ENTPD4: variants seen among roughly 807,000 people sequenced by gnomAD.
The protein encoded by ENTPD4 is Golgi UDPase.
Under a neutral mutation model 79.1 loss-of-function variants are expected in ENTPD4, and 60 were observed. The ratio of observed to expected loss-of-function variants is 0.76; its 90% CI spans 0.62 to 0.94. ENTPD4 has a LOEUF of 0.94. Ranked by LOEUF, ENTPD4 falls within the 40% of genes least tolerant of loss-of-function variation. The pLI is 0.00. For synonymous variants in ENTPD4, 276 were observed against 292.0 expected, an observed-to-expected ratio of 0.95 and a Z score of 0.56; for missense variants, 772 against 775.1, an observed-to-expected ratio of 1.00 and a Z score of 0.05.
chr8:23,430,404 T>C lies in ENTPD4; in HGVS notation c.*2522A>G, dbSNP rs982529381. On this transcript the variant is annotated 3_prime_UTR_variant, in exon 13 of 13. Coordinates refer to ENST00000358689, the MANE Select transcript of ENTPD4 (RefSeq NM_004901.5). ...AAGATTGAAGTTTGGTTACTTCTCT[T>C]GTCCATCTTTTCGTGCCCACAAATG... 4.1e-6 allele frequency: 4 copies of C among 985,352 alleles called. No individual in the cohort carries two copies. In the African/African-American group the frequency reaches 7.0e-5, roughly 17 times the overall value. The allele number at this position is 985,352 out of a possible 1,614,324, so 61.0% of individuals were successfully genotyped here.
At chr8:23,433,811 T>C (rs184113162) in intron 12 of ENTPD4, among the ~76,000 whole-genome samples, 1 of 152,228 alleles carries the variant, frequency 6.6e-6, no homozygotes, top group African/African-American at 2.4e-5. Context: ...TCATTGACGC[T>C]CATTGACTAC....
chr8:23,450,033 A>G, intron 1 of ENTPD4, 36 bp from the exon 2 acceptor site: 1 of 1,078,442 alleles, frequency 9.3e-7, no homozygotes, highest in South Asian at 1.3e-5. Flanking sequence ...CAAAGATAGC[A>G]TCATCAAAGA....
At chr8:23,447,438 G>C (rs1247154674) in intron 4 of ENTPD4, among the ~76,000 whole-genome samples, 2 of 152,282 alleles carry the variant, frequency 1.3e-5, no homozygotes, top group South Asian at 2.1e-4. Context: ...CCATGAGTAA[G>C]GCACTATTTA....
In ENTPD4 at chr8:23,434,651, A is replaced by C. The variant is rs902250326; in HGVS notation, c.1461-173T>G. The C allele has an allele frequency of 1.2e-5, 17 of 1,435,360 alleles. No individual in the cohort carries two copies. The African/African-American group carries it at 1.6e-4, about 13-fold the overall frequency. 88.9% of individuals were successfully genotyped at this position (1,435,360 alleles called of 1,614,324 possible). A position where few individuals can be genotyped will look rare whatever the true frequency, so the allele number is the denominator to read the frequency against. ...TTCAAGGTTGATGTACTTGCTTCAC[A>C]TCCCTGGTCCCACAACATGGAGCAG... On this transcript the variant is annotated intron_variant, in intron 11 of 12. Coordinates refer to ENST00000358689, the MANE Select transcript of ENTPD4 (RefSeq NM_004901.5).
At chr8:23,434,258 G>C in intron 12 of ENTPD4, 59 bp downstream of exon 12, 4 of 1,593,926 alleles carry the variant, frequency 2.5e-6, no homozygotes, top group Non-Finnish European at 3.4e-6. Context: ...GCTGCCATGA[G>C]GTGCTGTAAC....
chr8:23,447,612 T>C, intron 4 of ENTPD4, 68 bp downstream of exon 4: 1 of 1,259,582 alleles, frequency 7.9e-7, no homozygotes, highest in Non-Finnish European at 1.2e-6. Flanking sequence ...AAGGGAACGA[T>C]ATGAAAGACG....
Position 23,444,606 on chromosome 8 carries a change from C to G in ENTPD4, c.413G>C (p.Gly138Ala). ...RKPVVMKIKP[G>A]ISEFATSPEK... Reference sequence around the variant, plus strand: ...TGGAGAGGTAGCAAATTCTGAAATGCCTAGAGAAACAGGATACTTTAGTTA... The same window carrying G: ...TGGAGAGGTAGCAAATTCTGAAATGGCTAGAGAAACAGGATACTTTAGTTA... Residue 138 changes from glycine to alanine, a missense_variant and splice_region_variant, in exon 5 of 13, where the codon GGC becomes GCC. Physicochemically the swap from Gly to Ala is moderately conservative, Grantham distance 60 (BLOSUM62 0). Coordinates refer to ENST00000358689, the MANE Select transcript of ENTPD4 (RefSeq NM_004901.5). 1.2e-6 allele frequency: 2 copies of G among 1,613,506 alleles called. No homozygotes were observed. Among genetic ancestry groups the G allele is most frequent in the Non-Finnish European group, 1.7e-6 (2 of 1,179,472 alleles).
rs1800472654 is a variant in ENTPD4, at chr8:23,432,511, T to TTG, written c.*414_*415insCA. ...AGGGCTTATAAACAATGCATTTTTTTTTTTTGAGACGGAGTCTCACTCTGT... is the reference window on the plus strand; with the variant it reads ...AGGGCTTATAAACAATGCATTTTTTTTGTTTTTGAGACGGAGTCTCACTCTGT... On this transcript the variant is annotated 3_prime_UTR_variant, in exon 13 of 13. Transcript: ENST00000358689. The TTG allele has an allele frequency of 5.0e-6, 5 of 991,516 alleles. No individual in the cohort carries two copies. In the Admixed American group the frequency reaches 2.9e-4, roughly 58 times the overall value. The allele number at this position is 991,516 out of a possible 1,614,324, so 61.4% of individuals were successfully genotyped here.
rs544822381 is a variant in ENTPD4, at chr8:23,449,328, G to A, written c.9-389C>T. Among the ~76,000 whole-genome samples the A allele has an allele frequency of 2.6e-5, 4 of 152,296 alleles. No homozygotes were observed. In the South Asian group the frequency reaches 6.2e-4, roughly 24 times the overall value. ...GATGATGAGACCAAACGGGAATGCAGTATGGAGAAAGGCATGTCGTAAGCT... is the reference window on the plus strand; with the variant it reads ...GATGATGAGACCAAACGGGAATGCAATATGGAGAAAGGCATGTCGTAAGCT... On this transcript the variant is annotated intron_variant, in intron 2 of 12. Coordinates refer to ENST00000358689, the MANE Select transcript of ENTPD4 (RefSeq NM_004901.5).
Position 23,432,051 on chromosome 8 carries a change from T to C in ENTPD4, c.*875A>G, listed in dbSNP as rs1800463650. The C allele has an allele frequency of 7.1e-6, 7 of 985,404 alleles. No homozygotes were observed. Among genetic ancestry groups the C allele is most frequent in the Non-Finnish European group, 8.4e-6 (7 of 829,916 alleles). 61.0% of individuals were successfully genotyped at this position (985,404 alleles called of 1,614,324 possible). A position where few individuals can be genotyped will look rare whatever the true frequency, so the allele number is the denominator to read the frequency against. ...CAAAGCTGTAGTCGATAGTTCACTA[T>C]CACTTTTATAAATGGTTATCTCCTG... On this transcript the variant is annotated 3_prime_UTR_variant, in exon 13 of 13. Transcript: ENST00000358689.
At position 23,431,661 on chromosome 8, in the gene ENTPD4, C is replaced by T. The variant is rs947337106; in HGVS notation, c.*1265G>A. 6.1e-6 allele frequency: 6 copies of T among 985,008 alleles called. No individual in the cohort carries two copies. Among genetic ancestry groups the T allele is most frequent in the Middle Eastern group, 5.2e-4 (1 of 1,914 alleles). 61.0% of individuals were successfully genotyped at this position (985,008 alleles called of 1,614,324 possible). On this transcript the variant is annotated 3_prime_UTR_variant, in exon 13 of 13. Coordinates refer to ENST00000358689, the MANE Select transcript of ENTPD4 (RefSeq NM_004901.5). The stretch of plus-strand genomic sequence containing the variant: ...AGGCTGTGCATGGGGTCTCCCAGTA[C>T]GATTAAAAGCTGAGATGACTTTTAA...
At chr8:23,439,591 C>T (rs1309985923) in intron 9 of ENTPD4, among the ~76,000 whole-genome samples, 158 bp downstream of exon 9, 1 of 152,152 alleles carries the variant, frequency 6.6e-6, no homozygotes, top group Non-Finnish European at 1.5e-5. Flanking sequence ...CCCTGGTGTG[C>T]TTTCATCTCT....
chr8:23,436,831 A>G (rs754567520), intron 10 of ENTPD4, 103 bp downstream of exon 10: 69 of 947,926 alleles, frequency 7.3e-5, no homozygotes, highest in Admixed American at 2.8e-4. Context: ...GCAGCCTTCT[A>G]TACTCCGTCT....
rs902193427 is a variant in ENTPD4, at chr8:23,429,219, G to C, written c.*3707C>G. The C allele has an allele frequency of 1.0e-6, 1 of 985,042 alleles. No individual in the cohort carries two copies. Among genetic ancestry groups the C allele is most frequent in the Non-Finnish European group, 1.2e-6 (1 of 829,598 alleles). The allele number at this position is 985,042 out of a possible 1,614,324, so 61.0% of individuals were successfully genotyped here. A position where few individuals can be genotyped will look rare whatever the true frequency, so the allele number is the denominator to read the frequency against. Reference sequence around the variant, plus strand: ...CAGTACCCAAGTGTGGCACTGTAAGGCTGCCACATACAGCAAGTGACATGA... The same window carrying C: ...CAGTACCCAAGTGTGGCACTGTAAGCCTGCCACATACAGCAAGTGACATGA... On this transcript the variant is annotated 3_prime_UTR_variant, in exon 13 of 13. Coordinates refer to ENST00000358689, the MANE Select transcript of ENTPD4 (RefSeq NM_004901.5).
intron 12 of ENTPD4, 100 bp from the exon 13 acceptor site, chr8:23,433,254 CT>C: frequency 2.2e-6 from 2 of 921,640 alleles, no homozygotes; most frequent in Non-Finnish European, 3.3e-6. Flanking sequence ...CAGAGCTGCA[CT>C]TTAGGAACTG....
intron 1 of ENTPD4, among the ~76,000 whole-genome samples, chr8:23,457,272 C>A (rs112323838): frequency 0.052 from 7,868 of 152,242 alleles, 635 homozygotes; most frequent in African/African-American, 0.17. Flanking sequence ...GGATCCCGAG[C>A]GGTCACCCGA....
At chr8:23,439,124 A>G (rs1440755189) in intron 9 of ENTPD4, among the ~76,000 whole-genome samples, 1 of 152,218 alleles carries the variant, frequency 6.6e-6, no homozygotes, top group Admixed American at 6.5e-5. Context: ...TTACACTTAT[A>G]CAGTCAATTT....
At chr8:23,452,610 T>C (rs996288115) in intron 1 of ENTPD4, among the ~76,000 whole-genome samples, 10 of 152,246 alleles carry the variant, frequency 6.6e-5, no homozygotes, top group Admixed American at 4.6e-4. Context: ...CATAAAACAC[T>C]GACATCATCG....
At chr8:23,444,200 C>G (rs1212431592) in intron 5 of ENTPD4, among the ~76,000 whole-genome samples, 1 of 152,166 alleles carries the variant, frequency 6.6e-6, no homozygotes, top group Non-Finnish European at 1.5e-5. Context: ...CATTCCTTAA[C>G]TACGTAAAAT....
Sources: gnomAD v4.1 joint callset for allele counts (sites outside exome capture counted in the v4.1 genomes callset) on GRCh38, gnomAD v4.1.1 for gene constraint, MANE v1.5 for transcripts, NCBI Gene and HGNC (gene_info 2026-07-23, HGNC 2026-07-21) for gene names.